Variants in GPC5 observed in about 807,000 individuals in gnomAD.
GPC5 encodes the protein glypican-5.
GPC5 carries 47 observed loss-of-function variants against 53.9 expected under a neutral mutation model. The observed-to-expected ratio is 0.87, with a 90% CI of 0.69 to 1.11. The LOEUF is 1.11. GPC5 is among the 50% of genes most tolerant of loss of function. The pLI, the probability that GPC5 is intolerant of heterozygous loss-of-function variation, is 0.00. For synonymous variants in GPC5, 286 were observed against 263.3 expected (o/e 1.09, Z -0.84); for missense variants, 748 against 713.1 (o/e 1.05, Z -0.56).
intron 7 of GPC5, among the ~76,000 whole-genome samples, chr13:92,444,551 G>T (rs1877713606): frequency 6.6e-6 from 1 of 151,870 alleles, no homozygotes; most frequent in Non-Finnish European, 1.5e-5. Context: ...TTTAATAAGA[G>T]AACTGATGTA....
At chr13:92,695,756 G>T (rs1052414001) in intron 7 of GPC5, among the ~76,000 whole-genome samples, 2 of 151,588 alleles carry the variant, frequency 1.3e-5, no homozygotes, top group South Asian at 4.2e-4. Context: ...GAAAGTGCAG[G>T]TTTGTTACAT....
intron 6 of GPC5, among the ~76,000 whole-genome samples, chr13:92,046,586 T>C (rs1594742162): frequency 1.3e-5 from 2 of 152,346 alleles, no homozygotes; most frequent in Middle Eastern, 3.4e-3. Flanking sequence ...AAAACTCATT[T>C]TTATTTCACT....
chr13:92,185,165 T>A (rs983635652), intron 7 of GPC5, among the ~76,000 whole-genome samples: 2 of 152,154 alleles, frequency 1.3e-5, no homozygotes, highest in Non-Finnish European at 2.9e-5. Context: ...TGTGCCAGGG[T>A]CATTCAATAT....
chr13:91,607,869 C>A (rs1177084018), intron 2 of GPC5, among the ~76,000 whole-genome samples: 1 of 152,098 alleles, frequency 6.6e-6, no homozygotes, highest in Non-Finnish European at 1.5e-5. Context: ...TAGTGAGGTG[C>A]AAGAAAGCAG....
At chr13:92,478,625 T>G (rs1168818538) in intron 7 of GPC5, among the ~76,000 whole-genome samples, 1 of 152,116 alleles carries the variant, frequency 6.6e-6, no homozygotes, top group East Asian at 1.9e-4. Flanking sequence ...ATCAGTTCAG[T>G]GAAACCTGTC....
intron 2 of GPC5, among the ~76,000 whole-genome samples, chr13:91,469,827 G>A (rs977064626): frequency 1.3e-5 from 2 of 152,188 alleles, no homozygotes; most frequent in South Asian, 2.1e-4. Flanking sequence ...ATCACGTGAT[G>A]TCAGGTGTTT....
At chr13:92,186,402 A>G (rs1410536453) in intron 7 of GPC5, among the ~76,000 whole-genome samples, 1 of 151,954 alleles carries the variant, frequency 6.6e-6, no homozygotes, top group East Asian at 1.9e-4. Flanking sequence ...TAGCAATCAT[A>G]TATGTGTAAT....
intron 7 of GPC5, among the ~76,000 whole-genome samples, chr13:92,644,386 G>A (rs1885696667): frequency 6.6e-6 from 1 of 152,260 alleles, no homozygotes; most frequent in Admixed American, 6.5e-5. Context: ...ATAGAGAAAT[G>A]ACTAAACAAA....
chr13:91,668,894 G>A (rs2139663545), intron 2 of GPC5, among the ~76,000 whole-genome samples: 1 of 152,218 alleles, frequency 6.6e-6, no homozygotes, highest in East Asian at 1.9e-4. Flanking sequence ...TTCTAACAAG[G>A]AGAATTCAAC....
chr13:91,950,297 A>G (rs1247640550), intron 6 of GPC5, among the ~76,000 whole-genome samples: 2 of 133,008 alleles, frequency 1.5e-5, no homozygotes, highest in African/African-American at 5.7e-5. Flanking sequence ...ATGAATTAGC[A>G]TCTTTAGCAT....
Position 92,519,852 on chromosome 13 carries a change from A to G in GPC5, c.1562-346430A>G, listed in dbSNP as rs187166544. On this transcript the variant is annotated intron_variant, in intron 7 of 7. Coordinates refer to ENST00000377067, the MANE Select transcript of GPC5 (RefSeq NM_004466.6). Reference sequence around the variant, plus strand: ...AATGAATCCAGGATCTGTTTTTTTGAAAAGATCAACAAAATTGATAGACTG... The same window carrying G: ...AATGAATCCAGGATCTGTTTTTTTGGAAAGATCAACAAAATTGATAGACTG... Among the ~76,000 whole-genome samples, 1,112 of 152,306 alleles carry G rather than the reference A, an allele frequency of 7.3e-3. 8 individuals are homozygous for G. The highest frequency in any genetic ancestry group is 8.1e-3 in the Non-Finnish European group (552 of 68,026).
chr13:91,715,800 C>CTCTCTG (rs997034217), intron 3 of GPC5, among the ~76,000 whole-genome samples: 54 of 145,852 alleles, frequency 3.7e-4, no homozygotes, highest in African/African-American at 1.4e-3. Context: ...CTCTCTCTCT[C>CTCTCTG]TGTGTGTGTG....
At chr13:92,363,369 A>G (rs970900331) in intron 7 of GPC5, among the ~76,000 whole-genome samples, 2 of 151,646 alleles carry the variant, frequency 1.3e-5, no homozygotes, top group East Asian at 3.9e-4. Context: ...TTTGTGGAAG[A>G]CAAATTTTCT....
chr13:92,432,711 T>C (rs1431584102), intron 7 of GPC5, among the ~76,000 whole-genome samples: 1 of 151,960 alleles, frequency 6.6e-6, no homozygotes, highest in Admixed American at 6.6e-5. Context: ...CAACCTAGTG[T>C]TTACTTTTTT....
At chr13:92,092,418 C>T (rs1176296038) in intron 6 of GPC5, among the ~76,000 whole-genome samples, 1 of 151,930 alleles carries the variant, frequency 6.6e-6, no homozygotes, top group African/African-American at 2.4e-5. Context: ...TCTGTATGGG[C>T]AAAAAGAAAG....
chr13:92,145,074 A>G (rs1442174254), intron 7 of GPC5, 85 bp downstream of exon 7: 3 of 1,158,016 alleles, frequency 2.6e-6, no homozygotes, highest in Non-Finnish European at 3.4e-6. Context: ...TAAAGAAATA[A>G]TGACAATTCA....
intron 7 of GPC5, among the ~76,000 whole-genome samples, chr13:92,452,599 A>G (rs1878108409): frequency 6.6e-6 from 1 of 151,722 alleles, no homozygotes. Context: ...ACCAAGTCCC[A>G]CTCTGTCGCC....
chr13:92,267,290 T>G (rs2042809379), intron 7 of GPC5, among the ~76,000 whole-genome samples: 1 of 152,094 alleles, frequency 6.6e-6, no homozygotes, highest in African/African-American at 2.4e-5. Context: ...TACTCTTTAT[T>G]ATCTTCCAGT....
chr13:92,071,081 C>CA (rs1326125247), intron 6 of GPC5, among the ~76,000 whole-genome samples: 1 of 151,964 alleles, frequency 6.6e-6, no homozygotes, highest in Non-Finnish European at 1.5e-5. Flanking sequence ...ACTAAAAATA[C>CA]AAAAATTAGC....
Sources: allele counts gnomAD v4.1 joint callset (sites outside exome capture counted in the v4.1 genomes callset), GRCh38; gene constraint gnomAD v4.1.1; transcripts MANE v1.5; gene names NCBI Gene and HGNC (gene_info 2026-07-23, HGNC 2026-07-21).